The following FRMPD2 variants were observed in gnomAD, a reference collection of about 807,000 sequenced individuals.
FRMPD2 encodes the protein FERM and PDZ domain-containing protein 2.
A neutral mutation model predicts 140.1 loss-of-function variants in FRMPD2; 96 were observed. The observed-to-expected ratio is 0.69, with a 90% confidence interval of 0.58 to 0.81. The LOEUF (loss-of-function observed/expected upper bound fraction) is 0.81, where lower values mean the gene tolerates loss of function less well. FRMPD2 is among the 40% of genes least tolerant of loss of function. The pLI, the probability that FRMPD2 is intolerant of heterozygous loss-of-function variation, is 0.00. For missense variants in FRMPD2, 1,240 were observed against 1,447.4 expected (o/e 0.86, Z 2.32); for synonymous variants, 449 against 547.6 (o/e 0.82, Z 2.52).
At chr10:48,185,357 A>T (rs1005953323) in intron 18 of FRMPD2, among the ~76,000 whole-genome samples, 196 bp downstream of exon 18, 1 of 152,184 alleles carries the variant, frequency 6.6e-6, no homozygotes, top group Admixed American at 6.5e-5. Flanking sequence ...AAAAAGAAAA[A>T]CTTGGAAACA....
chr10:48,272,382 A>G (rs1272855127), intron 1 of FRMPD2, among the ~76,000 whole-genome samples: 1 of 152,236 alleles, frequency 6.6e-6, no homozygotes, highest in African/African-American at 2.4e-5. Context: ...CATTACCAAA[A>G]AGTATTATAA....
intron 1 of FRMPD2, among the ~76,000 whole-genome samples, chr10:48,259,657 T>A (rs988139264): frequency 6.7e-6 from 1 of 148,912 alleles, no homozygotes; most frequent in East Asian, 1.9e-4. Context: ...TGTGTGTGTG[T>A]GAGTATACAC....
intron 28 of FRMPD2, among the ~76,000 whole-genome samples, chr10:48,159,452 C>T (rs1389215057): frequency 2.0e-5 from 3 of 151,418 alleles, no homozygotes; most frequent in African/African-American, 7.3e-5. Flanking sequence ...GGCTCTGCTG[C>T]CTCCCTCACT....
chr10:48,253,542 C>T (rs924958205), intron 1 of FRMPD2, among the ~76,000 whole-genome samples: 1 of 152,084 alleles, frequency 6.6e-6, no homozygotes, highest in African/African-American at 2.4e-5. Flanking sequence ...AAAAACCCCA[C>T]CCAATATCAA....
In FRMPD2 at chr10:48,201,384, G is replaced by A. The variant is rs764058839; in HGVS notation, c.1798C>T (p.Gln600Ter). The A allele has an allele frequency of 6.2e-7, 1 of 1,613,090 alleles. No individual in the cohort carries two copies. The highest frequency in any genetic ancestry group is 8.5e-7 in the Non-Finnish European group (1 of 1,179,444). Residue 600 changes from glutamine (Q) to a stop codon, truncating the protein, a stop_gained and splice_region_variant, in exon 15 of 29, where the codon CAA (glutamine) becomes TAA (stop). Transcript: ENST00000374201. LOFTEE classifies it high-confidence loss of function. ...CTGCTTGTGATGGTGAACTTTTTTT[G>A]CTGAAGGAAGCAAACACAGACTTTA... ...WRETGKISTY[Q>*]KKFTITSSVT...
intron 17 of FRMPD2, among the ~76,000 whole-genome samples, chr10:48,186,977 T>C (rs1838703622): frequency 6.6e-6 from 1 of 152,156 alleles, no homozygotes; most frequent in South Asian, 2.1e-4. Context: ...GCTGGGATTG[T>C]CTTCGCCAGA....
intron 1 of FRMPD2, among the ~76,000 whole-genome samples, chr10:48,266,741 A>T (rs1204733391): frequency 1.3e-5 from 2 of 152,260 alleles, no homozygotes; most frequent in Non-Finnish European, 2.9e-5. Flanking sequence ...CCTAGTGGTG[A>T]CTTGCGTCAC....
intron 16 of FRMPD2, among the ~76,000 whole-genome samples, chr10:48,190,591 T>C (rs572295662): frequency 1.3e-5 from 2 of 152,344 alleles, no homozygotes; most frequent in Admixed American, 6.5e-5. Context: ...TGTCTCAAGC[T>C]GTGCTTCTTG....
intron 8 of FRMPD2, 133 bp from the exon 9 acceptor site, chr10:48,236,686 T>A: frequency 1.3e-6 from 1 of 792,708 alleles, no homozygotes; most frequent in Non-Finnish European, 2.1e-6. Context: ...CAGGCCAAGA[T>A]GGGGCTGACC....
chr10:48,243,845 G>A (rs1349071955), intron 4 of FRMPD2, among the ~76,000 whole-genome samples: 1 of 152,192 alleles, frequency 6.6e-6, no homozygotes, highest in Non-Finnish European at 1.5e-5. Flanking sequence ...GTCTAGCCAG[G>A]TCAGCTAGGC....
At chr10:48,241,037 G>A (rs1390629319) in intron 5 of FRMPD2, among the ~76,000 whole-genome samples, 2 of 152,190 alleles carry the variant, frequency 1.3e-5, no homozygotes, top group Non-Finnish European at 2.9e-5. Context: ...TCAGTACACT[G>A]TCTATCCAAG....
chr10:48,159,081 A>C (rs1837865244), intron 28 of FRMPD2: 3 of 434,448 alleles, frequency 6.9e-6, no homozygotes, highest in Non-Finnish European at 1.4e-5. Context: ...GGTTAAACTC[A>C]CAACAAAGTT....
In FRMPD2 at chr10:48,174,850, G is replaced by A; in HGVS notation, c.3075+20C>T. On this transcript the variant is annotated intron_variant, in intron 24 of 28. Transcript: ENST00000374201. ...AAAGTTCCGGAAGGAGGGGAAGCTG[G>A]TCAGCAACAGTCCACTCACCTGCCC... 1.6e-6 allele frequency: 1 copy of A among 621,530 alleles called. No homozygotes were observed. The highest frequency in any genetic ancestry group is 2.9e-6 in the Non-Finnish European group (1 of 349,186). The allele number at this position is 621,530 out of a possible 1,614,324, so 38.5% of individuals were successfully genotyped here.
At chr10:48,227,643 T>C (rs1041017246) in intron 10 of FRMPD2, among the ~76,000 whole-genome samples, 1 of 152,244 alleles carries the variant, frequency 6.6e-6, no homozygotes, top group Non-Finnish European at 1.5e-5. Context: ...TGAGTCACAA[T>C]TGAAGTGGTT....
intron 16 of FRMPD2, among the ~76,000 whole-genome samples, chr10:48,189,602 T>G (rs1838781109): frequency 6.6e-6 from 1 of 152,152 alleles, no homozygotes; most frequent in African/African-American, 2.4e-5. Context: ...GCTCATGAGG[T>G]GGGGACCACA....
intron 10 of FRMPD2, among the ~76,000 whole-genome samples, chr10:48,227,884 T>C (rs1235003897): frequency 6.6e-6 from 1 of 152,182 alleles, no homozygotes. Flanking sequence ...GTTTTTTGGT[T>C]CAATTAAAAT....
Position 48,223,135 on chromosome 10 carries a change from T to C in FRMPD2, c.1304A>G (p.Tyr435Cys). ...TTGCAGCACTCACTGGAGCAGCCCA[T>C]AGTGGCTGACAAAGAACTTTATCCT... is the stretch of plus-strand genomic sequence containing the variant. ...FLRIKFFVSH[Y>C]GLLQHSLTRH... The change falls in exon 11 of 29, where the codon TAT (tyrosine) becomes TGT (cysteine). Residue 435 changes from tyrosine (Y) to cysteine (C), a missense_variant. Tyr to Cys is a radical substitution (Grantham distance 194). This residue lies in a region of FRMPD2 where 1,161 missense variants were observed against 1,055.9 expected (regional missense o/e 1.10). Transcript: ENST00000374201. 2.5e-6 allele frequency: 4 copies of C among 1,613,772 alleles called. No individual in the cohort carries two copies. Among genetic ancestry groups the C allele is most frequent in the Non-Finnish European group, 3.4e-6 (4 of 1,179,798 alleles).
At chr10:48,261,384 C>T (rs569776390) in intron 1 of FRMPD2, among the ~76,000 whole-genome samples, 31 of 151,432 alleles carry the variant, frequency 2.0e-4, no homozygotes, top group African/African-American at 7.5e-4. Flanking sequence ...TAATATTCCC[C>T]AGCAAAAAAA....
Position 48,187,225 on chromosome 10 carries a change from G to A in FRMPD2, c.2233C>T (p.Leu745Phe). 1 of 1,614,122 alleles carries A rather than the reference G, an allele frequency of 6.2e-7. No homozygotes were observed. The change falls in exon 17 of 29, where the codon CTC (leucine) becomes TTC (phenylalanine). Residue 745 changes from leucine to phenylalanine, a missense_variant. Coordinates refer to ENST00000374201, the MANE Select transcript of FRMPD2 (RefSeq NM_001018071.4). ...ATGCTCTGAACAGGTGGTCCAGAGA[G>A]AGAGTCCCAGGTCATTGGCTTCTGG... is the stretch of plus-strand genomic sequence containing the variant. ...VIQKPMTWDS[L>F]SGPPVQSMHA...
Sources: allele counts gnomAD v4.1 joint callset (sites outside exome capture counted in the v4.1 genomes callset), GRCh38; gene constraint gnomAD v4.1.1; regional missense constraint gnomAD v4.1.1; transcripts MANE v1.5; gene names NCBI Gene and HGNC (gene_info 2026-07-23, HGNC 2026-07-21).